SLC25A21: variants seen among roughly 807,000 people sequenced by gnomAD.
SLC25A21 encodes the protein solute carrier family 25 member 21.
Under a neutral mutation model 43.8 loss-of-function variants are expected in SLC25A21, and 47 were observed. That is an observed-to-expected ratio of 1.07 (90% confidence interval 0.85 to 1.37). The LOEUF (loss-of-function observed/expected upper bound fraction) is 1.37. Ranked by LOEUF, SLC25A21 falls within the 40% of genes most tolerant of loss-of-function variation. The pLI is 0.00. For synonymous variants in SLC25A21, 131 were observed against 121.3 expected (o/e 1.08, Z -0.52); for missense variants, 352 against 350.2 (o/e 1.00, Z -0.04).
chr14:37,170,128 T>C (rs1004757930), intron 1 of SLC25A21, among the ~76,000 whole-genome samples: 1 of 151,970 alleles, frequency 6.6e-6, no homozygotes, highest in African/African-American at 2.4e-5. Context: ...CTCCGCCTCC[T>C]GGGTTCAAGC....
chr14:36,737,049 A>G (rs1885071466), intron 3 of SLC25A21, among the ~76,000 whole-genome samples: 1 of 152,200 alleles, frequency 6.6e-6, no homozygotes, highest in Non-Finnish European at 1.5e-5. Flanking sequence ...GCAATGGGAG[A>G]TACACAGCAA....
At chr14:36,860,878 G>A (rs990483606) in intron 2 of SLC25A21, among the ~76,000 whole-genome samples, 13 of 152,120 alleles carry the variant, frequency 8.5e-5, no homozygotes, top group African/African-American at 3.1e-4. Flanking sequence ...TACCAAAAAT[G>A]GATGATATTC....
chr14:37,088,035 C>T (rs1051773788), intron 1 of SLC25A21, among the ~76,000 whole-genome samples: 1 of 152,160 alleles, frequency 6.6e-6, no homozygotes, highest in African/African-American at 2.4e-5. Context: ...TGAAATACAA[C>T]TTGTAACTTG....
chr14:36,963,623 G>T (rs140489438), intron 1 of SLC25A21, among the ~76,000 whole-genome samples: 2 of 152,236 alleles, frequency 1.3e-5, no homozygotes, highest in African/African-American at 2.4e-5. Context: ...ACACGGGGCC[G>T]CTACAACCTT....
Position 36,870,132 on chromosome 14 carries a change from T to C in SLC25A21, c.119+4824A>G, listed in dbSNP as rs187059990. ...TCAAAATAATGCAAACAATTGATTA[T>C]GGATCAATAATGCGACAGATGTAAG... On this transcript the variant is annotated intron_variant, in intron 2 of 9. Coordinates refer to ENST00000331299, the MANE Select transcript of SLC25A21 (RefSeq NM_030631.4). Among the ~76,000 whole-genome samples the C allele has an allele frequency of 2.0e-5, 3 of 152,290 alleles. No homozygotes were observed. The East Asian group carries it at 5.8e-4, about 29-fold the overall frequency.
chr14:36,757,891 C>G (rs75323779), intron 3 of SLC25A21, among the ~76,000 whole-genome samples: 265 of 152,314 alleles, frequency 1.7e-3, no homozygotes, highest in Non-Finnish European at 3.3e-3. Flanking sequence ...CTGAGTCACA[C>G]CAGTGCTAAA....
At chr14:36,861,933 T>A (rs1211743505) in intron 2 of SLC25A21, among the ~76,000 whole-genome samples, 1 of 151,606 alleles carries the variant, frequency 6.6e-6, no homozygotes, top group Non-Finnish European at 1.5e-5. Context: ...AACAACCCCA[T>A]AAAAAAGTGC....
At chr14:37,014,969 T>A (rs1248272049) in intron 1 of SLC25A21, among the ~76,000 whole-genome samples, 1 of 152,154 alleles carries the variant, frequency 6.6e-6, no homozygotes, top group East Asian at 1.9e-4. Flanking sequence ...TAAACCATGC[T>A]GTATACAGAT....
intron 1 of SLC25A21, among the ~76,000 whole-genome samples, chr14:37,045,839 T>G (rs537273912): frequency 1.3e-5 from 2 of 152,226 alleles, no homozygotes; most frequent in African/African-American, 2.4e-5. Context: ...CTTTTCCTTC[T>G]GGATGATGGA....
At chr14:36,806,694 G>A (rs1447064338) in intron 3 of SLC25A21, 1 of 152,128 alleles carries the variant, frequency 6.6e-6, no homozygotes, top group East Asian at 1.9e-4. Context: ...GCCTATGGAA[G>A]CCATATTCTA....
chr14:36,683,844 A>T lies in SLC25A21; in HGVS notation c.822T>A (p.Ile274=). 6.2e-7 allele frequency: 1 copy of T among 1,605,688 alleles called. No homozygotes were observed. The change falls in exon 9 of 10, where the codon ATT becomes ATA. Residue 274 remains isoleucine (I), a synonymous_variant. Transcript: ENST00000331299. The part of the protein sequence containing the change: ...LALYKGLLPK[I]MRLGPGGAVM... ...TATCATTACCTGGTCCAAGTCTCAT[A>T]ATCTTGGGAAGCAGGCCTTTGTACA... is the stretch of plus-strand genomic sequence containing the variant.
intron 3 of SLC25A21, chr14:36,807,108 C>G (rs531306283): frequency 6.6e-6 from 1 of 152,410 alleles, no homozygotes; most frequent in Admixed American, 6.5e-5. Context: ...GCAAACCAGG[C>G]TTACAAACTC....
At chr14:36,816,695 C>T (rs748757090) in intron 2 of SLC25A21, among the ~76,000 whole-genome samples, 2 of 151,870 alleles carry the variant, frequency 1.3e-5, no homozygotes, top group African/African-American at 4.8e-5. Context: ...GTAGAGGTGG[C>T]GTCTCCCCTT....
chr14:36,766,760 C>T (rs906206299), intron 3 of SLC25A21, among the ~76,000 whole-genome samples: 8 of 152,090 alleles, frequency 5.3e-5, no homozygotes, highest in African/African-American at 9.7e-5. Context: ...TCGCCCCAAC[C>T]GGAAACTGAC....
At chr14:36,845,214 G>T (rs562424622) in intron 2 of SLC25A21, among the ~76,000 whole-genome samples, 1 of 152,120 alleles carries the variant, frequency 6.6e-6, no homozygotes, top group Admixed American at 6.5e-5. Flanking sequence ...ACTCACCCTG[G>T]AAAAATTCAC....
At chr14:37,083,308 T>C (rs1962423168) in intron 1 of SLC25A21, among the ~76,000 whole-genome samples, 2 of 152,234 alleles carry the variant, frequency 1.3e-5, no homozygotes, top group Non-Finnish European at 1.5e-5. Context: ...TTCTAGGGTA[T>C]GTAGTTGCAG....
intron 1 of SLC25A21, chr14:36,952,386 C>T (rs960239871): frequency 6.6e-6 from 1 of 152,262 alleles, no homozygotes; most frequent in Non-Finnish European, 1.5e-5. Context: ...TAAATATCTA[C>T]ATTGTCAATT....
intron 1 of SLC25A21, among the ~76,000 whole-genome samples, chr14:36,992,733 G>T (rs561021193): frequency 1.3e-4 from 20 of 152,228 alleles, no homozygotes; most frequent in African/African-American, 4.6e-4. Flanking sequence ...TTTGTTACAG[G>T]CAAGACATTT....
At chr14:36,954,542 A>T (rs1283977674) in intron 1 of SLC25A21, among the ~76,000 whole-genome samples, 2 of 151,858 alleles carry the variant, frequency 1.3e-5, no homozygotes, top group Non-Finnish European at 2.9e-5. Flanking sequence ...TTTTTAATTG[A>T]CACATAAAAT....
Sources: allele counts gnomAD v4.1 joint callset (sites outside exome capture counted in the v4.1 genomes callset), GRCh38; gene constraint gnomAD v4.1.1; transcripts MANE v1.5; gene names NCBI Gene and HGNC (gene_info 2026-07-23, HGNC 2026-07-21).